Variants in PDZD8 observed in about 807,000 individuals in gnomAD.
PDZD8 encodes PDZ domain-containing protein 8.
A neutral mutation model predicts 85.8 loss-of-function variants in PDZD8; 14 were observed. That is an observed-to-expected ratio of 0.16 (90% CI 0.11 to 0.26). The LOEUF (loss-of-function observed/expected upper bound fraction) is 0.26, where lower values mean the gene tolerates loss of function less well. PDZD8 is among the 10% of genes least tolerant of loss of function. The pLI, the probability that PDZD8 is intolerant of heterozygous loss-of-function variation, is 1.00. For missense variants in PDZD8, 1,197 were observed against 1,424.3 expected (o/e 0.84, Z 2.57); for synonymous variants, 592 against 568.6 (o/e 1.04, Z -0.59).
chr10:117,335,850 A>T (rs979698443), intron 2 of PDZD8, among the ~76,000 whole-genome samples: 5 of 152,182 alleles, frequency 3.3e-5, no homozygotes, highest in Non-Finnish European at 5.9e-5. Flanking sequence ...GAAACTAATT[A>T]AGATTATTAT....
chr10:117,350,276 T>TC (rs1467294893), intron 1 of PDZD8, among the ~76,000 whole-genome samples: 1 of 150,342 alleles, frequency 6.7e-6, no homozygotes, highest in East Asian at 2.0e-4. Flanking sequence ...TTCTTTTTTT[T>TC]TTTTTTTTGA....
intron 2 of PDZD8, among the ~76,000 whole-genome samples, chr10:117,334,796 T>C (rs1373001162): frequency 1.1e-4 from 17 of 152,026 alleles, no homozygotes; most frequent in Admixed American, 1.1e-3. Context: ...TCAGTGAACC[T>C]GAAATTAGAC....
chr10:117,322,960 A>C (rs1288426117), intron 2 of PDZD8, among the ~76,000 whole-genome samples: 1 of 152,088 alleles, frequency 6.6e-6, no homozygotes. Context: ...GAGACCCAAG[A>C]CTCAAGGTAA....
At chr10:117,287,443 G>A (rs1405964120) in intron 4 of PDZD8, among the ~76,000 whole-genome samples, 5 of 152,080 alleles carry the variant, frequency 3.3e-5, no homozygotes, top group African/African-American at 9.7e-5. Flanking sequence ...CTTCACTTTA[G>A]TTCTACATTC....
At chr10:117,307,128 G>A (rs564508668) in intron 3 of PDZD8, among the ~76,000 whole-genome samples, 13 of 152,058 alleles carry the variant, frequency 8.5e-5, no homozygotes, top group Middle Eastern at 3.2e-3. Context: ...AAGCATATTC[G>A]TATGTGAGCA....
intron 1 of PDZD8, among the ~76,000 whole-genome samples, chr10:117,357,363 C>T (rs1844913746): frequency 6.6e-6 from 1 of 152,056 alleles, no homozygotes; most frequent in Non-Finnish European, 1.5e-5. Context: ...CCACTGCACT[C>T]CAGCCTGGGT....
At chr10:117,353,093 G>A (rs1935168) in intron 1 of PDZD8, among the ~76,000 whole-genome samples, 76,784 of 152,022 alleles carry the variant, frequency 0.51, 20,395 homozygotes, top group African/African-American at 0.68. Context: ...TTTCTATAAA[G>A]TCACAGTATC....
chr10:117,328,902 C>T (rs550587631), intron 2 of PDZD8, among the ~76,000 whole-genome samples: 15 of 152,290 alleles, frequency 9.8e-5, no homozygotes, highest in Admixed American at 5.2e-4. Flanking sequence ...GATATCTCCT[C>T]TTGGTATTTG....
intron 3 of PDZD8, among the ~76,000 whole-genome samples, chr10:117,302,644 T>C (rs1843865343): frequency 6.6e-6 from 1 of 152,100 alleles, no homozygotes; most frequent in South Asian, 2.1e-4. Context: ...TCTGATATGG[T>C]TTGGCTGTGT....
At chr10:117,313,747 C>A (rs1293570916) in intron 3 of PDZD8, among the ~76,000 whole-genome samples, 1 of 96,748 alleles carries the variant, frequency 1.0e-5, no homozygotes, top group African/African-American at 3.4e-5. Flanking sequence ...TTTCTCCCAA[C>A]TGATTACTTT....
chr10:117,337,398 T>C (rs571089672), intron 2 of PDZD8, among the ~76,000 whole-genome samples: 26 of 152,290 alleles, frequency 1.7e-4, no homozygotes, highest in African/African-American at 6.3e-4. Flanking sequence ...AAATCAGCTT[T>C]CATCAACTCA....
rs1291238773 is a variant in PDZD8, at chr10:117,374,289, T to A, written c.872+67A>T. 1.2e-5 allele frequency: 19 copies of A among 1,577,254 alleles called. No individual in the cohort carries two copies. Among genetic ancestry groups the A allele is most frequent in the Non-Finnish European group, 1.6e-5 (18 of 1,161,044 alleles). Reference sequence around the variant, plus strand: ...AGAAATGAGCCTTTGCCCTTCCCAATCCACGCAGCGTCCCGCCCAGGCCCG... The same window carrying A: ...AGAAATGAGCCTTTGCCCTTCCCAAACCACGCAGCGTCCCGCCCAGGCCCG... On this transcript the variant is annotated intron_variant, in intron 1 of 4. Coordinates refer to ENST00000334464, the MANE Select transcript of PDZD8 (RefSeq NM_173791.5). This position sits in a 1 kb window ranked among gnomAD's most constrained non-coding sequence, Gnocchi z 7.8.
chr10:117,333,193 G>A (rs1844460484), intron 2 of PDZD8, among the ~76,000 whole-genome samples: 1 of 148,798 alleles, frequency 6.7e-6, no homozygotes, highest in Non-Finnish European at 1.5e-5. Flanking sequence ...GAACTCTGGA[G>A]TTAGACAAAA....
chr10:117,284,755 C>A lies in PDZD8; in HGVS notation c.1978G>T (p.Asp660Tyr), dbSNP rs892723550. 2 of 1,614,114 alleles carry A rather than the reference C, an allele frequency of 1.2e-6. No individual in the cohort carries two copies. Among genetic ancestry groups the A allele is most frequent in the Non-Finnish European group, 1.7e-6 (2 of 1,180,044 alleles). The change falls in exon 5 of 5, where the codon GAT (aspartate) becomes TAT (tyrosine). Residue 660 changes from aspartate (D) to tyrosine (Y), a missense_variant. By Grantham distance (160) the Asp-to-Tyr change is radical. This residue lies in a region of PDZD8 where 263 missense variants were observed against 261.9 expected (regional missense o/e 1.00). Transcript: ENST00000334464. ...GGGCAGGAAGTTTCTGAAGTGACAT[C>A]TTTGGCCACTTCTTGCTTTGCTAAA... ...QFLAKQEVAK[D>Y]VTSETSCPTK...
At chr10:117,367,620 AT>A in intron 1 of PDZD8, among the ~76,000 whole-genome samples, 1 of 152,272 alleles carries the variant, frequency 6.6e-6, no homozygotes, top group East Asian at 1.9e-4. Flanking sequence ...TAAACTGGGT[AT>A]TTAGGTGGAG....
In PDZD8 at chr10:117,283,718, C is replaced by T. The variant is rs763904248; in HGVS notation, c.3015G>A (p.Glu1005=). 3 of 1,614,062 alleles carry T rather than the reference C, an allele frequency of 1.9e-6. No homozygotes were observed. In the South Asian group the frequency reaches 3.3e-5, roughly 18 times the overall value. The change falls in exon 5 of 5, where the codon GAG becomes GAA. Residue 1005 remains glutamate, a synonymous_variant. Coordinates refer to ENST00000334464, the MANE Select transcript of PDZD8 (RefSeq NM_173791.5). ...TGAAAACACTGTCATCCAGACCACC[C>T]TCTTTTCTCACTAACTTTATTCCTG... The part of the protein sequence containing the change: ...NSTGIKLVRK[E]GGLDDSVFIA...
rs1157675635 is a variant in PDZD8, at chr10:117,278,209, G to C, written c.*5059C>G. The C allele has an allele frequency of 6.6e-6, 1 of 152,122 alleles. No individual in the cohort carries two copies. The highest frequency in any genetic ancestry group is 2.4e-5 in the African/African-American group (1 of 41,422). The allele number at this position is 152,122 out of a possible 1,614,324, so 9.4% of individuals were successfully genotyped here. ...TGACTATATCTTTGATCTGTTTGCA[G>C]GTCATCCAAGTGTTTTCTAGGAATA... On this transcript the variant is annotated 3_prime_UTR_variant, in exon 5 of 5. Coordinates refer to ENST00000334464, the MANE Select transcript of PDZD8 (RefSeq NM_173791.5).
intron 4 of PDZD8, 123 bp from the exon 5 acceptor site, chr10:117,285,594 G>T: frequency 3.5e-6 from 4 of 1,138,090 alleles, no homozygotes; most frequent in Middle Eastern, 3.1e-4. Context: ...ACTAATAGAA[G>T]AATAATAGGA....
At chr10:117,349,279 A>C (rs1331491873) in intron 1 of PDZD8, among the ~76,000 whole-genome samples, 1 of 152,198 alleles carries the variant, frequency 6.6e-6, no homozygotes, top group Non-Finnish European at 1.5e-5. Context: ...GGAGAGGCAG[A>C]AGGAATGAGA....
Sources: allele counts gnomAD v4.1 joint callset (sites outside exome capture counted in the v4.1 genomes callset), GRCh38; gene constraint gnomAD v4.1.1; regional missense constraint gnomAD v4.1.1; non-coding constraint Gnocchi (gnomAD v3.1); transcripts MANE v1.5; gene names NCBI Gene and HGNC (gene_info 2026-07-23, HGNC 2026-07-21).